The following PTGIS variants were observed in gnomAD, a reference collection of about 807,000 sequenced individuals.
PTGIS encodes the protein prostacyclin synthase.
A neutral mutation model predicts 50.3 loss-of-function variants in PTGIS; 45 were observed. That is an observed-to-expected ratio of 0.90 (90% confidence interval 0.70 to 1.15). PTGIS has a LOEUF of 1.15. Ranked by LOEUF, PTGIS falls within the 50% of genes most tolerant of loss-of-function variation. PTGIS has a pLI of 0.00. For synonymous variants in PTGIS, 260 were observed against 267.7 expected (o/e 0.97, Z 0.28); for missense variants, 668 against 661.3 (o/e 1.01, Z -0.11).
chr20:49,512,325 G>C (rs1981344159), intron 8 of PTGIS, among the ~76,000 whole-genome samples: 2 of 151,256 alleles, frequency 1.3e-5, no homozygotes, highest in Admixed American at 1.3e-4. Context: ...GGGTAGATGA[G>C]TGGATGGATG....
At chr20:49,554,242 T>G (rs1668805481) in intron 1 of PTGIS, among the ~76,000 whole-genome samples, 1 of 152,198 alleles carries the variant, frequency 6.6e-6, no homozygotes, top group African/African-American at 2.4e-5. Flanking sequence ...AGGTCCTAAC[T>G]GTTGTAGCCT....
chr20:49,537,197 G>A (rs1345416224), intron 5 of PTGIS, among the ~76,000 whole-genome samples: 1 of 152,184 alleles, frequency 6.6e-6, no homozygotes, highest in Non-Finnish European at 1.5e-5. Context: ...AGGGACCTAC[G>A]TTATGAAGAA....
chr20:49,511,047 C>G lies in PTGIS; in HGVS notation c.1339G>C (p.Ala447Pro). ...ACTCACTGTTTGATGCTGTTGACCG[C>G]ATAACTCCTCCCCAGGCAGTGATTG... ...GHNHCLGRSY[A>P]VNSIKQFVFL... is the part of the protein sequence containing the mutation. Residue 447 changes from alanine to proline, a missense_variant, in exon 9 of 10, where the codon GCG becomes CCG. Coordinates refer to ENST00000244043, the MANE Select transcript of PTGIS (RefSeq NM_000961.4). 1.2e-6 allele frequency: 2 copies of G among 1,613,748 alleles called. No individual in the cohort carries two copies. The highest frequency in any genetic ancestry group is 1.7e-6 in the Non-Finnish European group (2 of 1,179,992).
At chr20:49,539,863 G>T in intron 4 of PTGIS, 142 bp from the exon 5 acceptor site, 1 of 1,219,044 alleles carries the variant, frequency 8.2e-7, no homozygotes, top group Non-Finnish European at 1.2e-6. Context: ...GCACTGAACA[G>T]TCGGCAGTGA....
intron 5 of PTGIS, among the ~76,000 whole-genome samples, chr20:49,531,441 T>C (rs1981933252): frequency 1.3e-5 from 2 of 152,170 alleles, no homozygotes; most frequent in Non-Finnish European, 2.9e-5. Flanking sequence ...TTACAGCACA[T>C]TTATACAATT....
chr20:49,565,342 G>A (rs1281118709), intron 1 of PTGIS, among the ~76,000 whole-genome samples: 1 of 152,100 alleles, frequency 6.6e-6, no homozygotes, highest in African/African-American at 2.4e-5. Flanking sequence ...TAATGTGTGG[G>A]AAGACTGAGA....
At chr20:49,546,180 A>G (rs999587803) in intron 3 of PTGIS, among the ~76,000 whole-genome samples, 1 of 152,180 alleles carries the variant, frequency 6.6e-6, no homozygotes, top group Non-Finnish European at 1.5e-5. Flanking sequence ...AGCCCTCAAC[A>G]GATGTGGCTG....
intron 5 of PTGIS, among the ~76,000 whole-genome samples, chr20:49,534,088 T>C (rs1367910902): frequency 6.6e-6 from 1 of 152,208 alleles, no homozygotes; most frequent in African/African-American, 2.4e-5. Flanking sequence ...TCCCACTCTG[T>C]TTTAGATGCA....
chr20:49,526,155 C>T (rs1034118510), intron 5 of PTGIS, among the ~76,000 whole-genome samples: 13 of 152,194 alleles, frequency 8.5e-5, no homozygotes, highest in Non-Finnish European at 1.5e-4. Flanking sequence ...GTGCCAACCC[C>T]AGATTGATCA....
chr20:49,516,999 G>C (rs1413978828), intron 6 of PTGIS, among the ~76,000 whole-genome samples: 2 of 152,154 alleles, frequency 1.3e-5, no homozygotes, highest in South Asian at 2.1e-4. Context: ...TCAACACTGG[G>C]GGTAACATTG....
intron 1 of PTGIS, among the ~76,000 whole-genome samples, chr20:49,559,585 G>T (rs1982713116): frequency 6.6e-6 from 1 of 152,292 alleles, no homozygotes; most frequent in East Asian, 1.9e-4. Context: ...ACAGAATGTG[G>T]TGTATCAATG....
Position 49,504,344 on chromosome 20 carries a change from G to C in PTGIS, c.*3576C>G, listed in dbSNP as rs946209820. ...ATGGTCACTTTCTATTTTTGGCAGT[G>C]AGTGATACATGTTATCCACTATTGG... On this transcript the variant is annotated 3_prime_UTR_variant, in exon 10 of 10. Coordinates refer to ENST00000244043, the MANE Select transcript of PTGIS (RefSeq NM_000961.4). 11 of 152,224 alleles carry C rather than the reference G, an allele frequency of 7.2e-5. No homozygotes were observed. Among genetic ancestry groups the C allele is most frequent in the African/African-American group, 2.4e-4 (10 of 41,442 alleles). 9.4% of individuals were successfully genotyped at this position (152,224 alleles called of 1,614,324 possible). A position where few individuals can be genotyped will look rare whatever the true frequency, so the allele number is the denominator to read the frequency against.
intron 5 of PTGIS, among the ~76,000 whole-genome samples, chr20:49,529,914 G>A (rs935284898): frequency 6.6e-6 from 1 of 152,130 alleles, no homozygotes; most frequent in Admixed American, 6.5e-5. Flanking sequence ...CAGCACTTTG[G>A]AAGGCCGACG....
At chr20:49,550,871 A>AG (rs531582366) in intron 1 of PTGIS, among the ~76,000 whole-genome samples, 174 of 152,290 alleles carry the variant, frequency 1.1e-3, no homozygotes, top group African/African-American at 4.0e-3. Context: ...ACTTCCAACA[A>AG]GGAAGGCAAG....
In PTGIS at chr20:49,541,453, C is replaced by T. The variant is rs369450104; in HGVS notation, c.522-1732G>A. On this transcript the variant is annotated intron_variant, in intron 4 of 9. Transcript: ENST00000244043. ...AAATAAACCAAAAAAGTAAACCGGCCGGGAGAGGTGGCTCACGCCTGTAAT... is the reference window on the plus strand; with the variant it reads ...AAATAAACCAAAAAAGTAAACCGGCTGGGAGAGGTGGCTCACGCCTGTAAT... Among the ~76,000 whole-genome samples, 10 of 152,222 alleles carry T rather than the reference C, an allele frequency of 6.6e-5. No homozygotes were observed. In the South Asian group the frequency reaches 1.0e-3, roughly 16 times the overall value.
intron 5 of PTGIS, among the ~76,000 whole-genome samples, chr20:49,528,571 G>C (rs1981851329): frequency 6.6e-6 from 1 of 152,192 alleles, no homozygotes; most frequent in Non-Finnish European, 1.5e-5. Flanking sequence ...AGTGAGCGGA[G>C]ATTGCACCAC....
In PTGIS at chr20:49,507,806, T is replaced by A; in HGVS notation, c.*114A>T. The A allele has an allele frequency of 7.2e-7, 1 of 1,392,504 alleles. No individual in the cohort carries two copies. The highest frequency in any genetic ancestry group is 9.9e-7 in the Non-Finnish European group (1 of 1,008,398). The allele number at this position is 1,392,504 out of a possible 1,614,324, so 86.3% of individuals were successfully genotyped here. On this transcript the variant is annotated 3_prime_UTR_variant, in exon 10 of 10. Coordinates refer to ENST00000244043, the MANE Select transcript of PTGIS (RefSeq NM_000961.4). Reference sequence around the variant, plus strand: ...GCCTTCTGGGAGAAAAGCAGGGAAGTGGTAATGCTAGCACCTGCACCCGGG... The same window carrying A: ...GCCTTCTGGGAGAAAAGCAGGGAAGAGGTAATGCTAGCACCTGCACCCGGG...
intron 4 of PTGIS, among the ~76,000 whole-genome samples, chr20:49,542,044 G>C (rs1982244795): frequency 6.6e-6 from 1 of 152,212 alleles, no homozygotes; most frequent in Admixed American, 6.5e-5. Context: ...GAGCCACGCA[G>C]ACCTGTGGGG....
chr20:49,564,205 T>C (rs1169605758), intron 1 of PTGIS, among the ~76,000 whole-genome samples: 1 of 152,216 alleles, frequency 6.6e-6, no homozygotes, highest in Non-Finnish European at 1.5e-5. Context: ...ATTGTAGTTG[T>C]CAGTTTTATA....
Sources: allele counts gnomAD v4.1 joint callset (sites outside exome capture counted in the v4.1 genomes callset), GRCh38; gene constraint gnomAD v4.1.1; transcripts MANE v1.5; gene names NCBI Gene and HGNC (gene_info 2026-07-23, HGNC 2026-07-21).